Variants in AGBL1 observed in about 807,000 individuals in gnomAD.
AGBL1 encodes the protein AGBL carboxypeptidase 1, also known as cytosolic carboxypeptidase 4.
Under a neutral mutation model 118.9 loss-of-function variants are expected in AGBL1, and 130 were observed. The observed-to-expected ratio is 1.09, with a 90% CI of 0.95 to 1.26. The LOEUF is 1.26. Ranked by LOEUF, AGBL1 falls within the 50% of genes most tolerant of loss-of-function variation. AGBL1 has a pLI of 0.00. For synonymous variants in AGBL1, 555 were observed against 478.9 expected, an observed-to-expected ratio of 1.16 and a Z score of -2.08; for missense variants, 1,584 against 1,298.1, an observed-to-expected ratio of 1.22 and a Z score of -3.38.
intron 7 of AGBL1, among the ~76,000 whole-genome samples, chr15:86,249,360 C>T (rs768284703): frequency 1.1e-4 from 17 of 152,082 alleles, no homozygotes; most frequent in East Asian, 1.9e-4. Flanking sequence ...TTTTTCCAAC[C>T]GTGGTATCTG....
chr15:86,821,303 G>A (rs1235443085), intron 22 of AGBL1, among the ~76,000 whole-genome samples: 1 of 152,096 alleles, frequency 6.6e-6, no homozygotes, highest in Non-Finnish European at 1.5e-5. Flanking sequence ...TTCTGCACAT[G>A]TATTCCAGAA....
intron 22 of AGBL1, among the ~76,000 whole-genome samples, chr15:86,855,324 T>A (rs764641014): frequency 6.6e-6 from 1 of 152,216 alleles, no homozygotes; most frequent in African/African-American, 2.4e-5. Context: ...AGTAGCTTAG[T>A]ATAAAGCCAA....
intron 21 of AGBL1, among the ~76,000 whole-genome samples, chr15:86,560,705 G>T (rs765942921): frequency 6.6e-6 from 1 of 152,200 alleles, no homozygotes; most frequent in African/African-American, 2.4e-5. Context: ...GATCCTTGAG[G>T]AATCGCCACA....
intron 23 of AGBL1, among the ~76,000 whole-genome samples, chr15:86,923,664 C>T (rs1241142244): frequency 2.0e-5 from 3 of 152,202 alleles, no homozygotes; most frequent in Non-Finnish European, 4.4e-5. Flanking sequence ...TGCAAGTACA[C>T]TATTCCCTGA....
chr15:86,586,467 C>T (rs2084249496), intron 21 of AGBL1, among the ~76,000 whole-genome samples: 1 of 151,984 alleles, frequency 6.6e-6, no homozygotes, highest in Non-Finnish European at 1.5e-5. Flanking sequence ...AAAATTAGGG[C>T]AGAGAATAGT....
intron 1 of AGBL1, among the ~76,000 whole-genome samples, chr15:86,115,069 C>G (rs1597412314): frequency 6.6e-6 from 1 of 152,294 alleles, no homozygotes; most frequent in South Asian, 2.1e-4. Context: ...TAAGGAAGAC[C>G]TGAGGTAATA....
At chr15:86,515,993 C>T (rs1208852022) in intron 18 of AGBL1, among the ~76,000 whole-genome samples, 1 of 152,126 alleles carries the variant, frequency 6.6e-6, no homozygotes, top group Non-Finnish European at 1.5e-5. Context: ...GGTGGGACAA[C>T]TCAAAGCGGG....
intron 7 of AGBL1, among the ~76,000 whole-genome samples, chr15:86,250,205 C>T (rs1373182641): frequency 6.6e-6 from 1 of 152,066 alleles, no homozygotes; most frequent in Non-Finnish European, 1.5e-5. Flanking sequence ...ACCACCACCA[C>T]TCGCCCTTGC....
At chr15:86,705,381 T>A (rs2086431730) in intron 22 of AGBL1, among the ~76,000 whole-genome samples, 1 of 152,200 alleles carries the variant, frequency 6.6e-6, no homozygotes, top group Non-Finnish European at 1.5e-5. Flanking sequence ...AAGAATGGAC[T>A]AAAACATATT....
intron 18 of AGBL1, among the ~76,000 whole-genome samples, chr15:86,406,694 C>T (rs1404703165): frequency 6.6e-6 from 1 of 152,090 alleles, no homozygotes; most frequent in African/African-American, 2.4e-5. Context: ...AAATTGACAG[C>T]TTTAGGTATA....
intron 1 of AGBL1, among the ~76,000 whole-genome samples, chr15:86,101,975 T>C (rs1896751837): frequency 6.6e-6 from 1 of 152,144 alleles, no homozygotes; most frequent in East Asian, 1.9e-4. Context: ...TCTCTCACAT[T>C]GTTAATCATT....
chr15:86,372,559 C>T (rs2080985964), intron 17 of AGBL1, among the ~76,000 whole-genome samples: 1 of 152,244 alleles, frequency 6.6e-6, no homozygotes, highest in Admixed American at 6.5e-5. Flanking sequence ...TCTCTCCATT[C>T]ATACATATGC....
intron 18 of AGBL1, among the ~76,000 whole-genome samples, chr15:86,480,380 A>G (rs963312750): frequency 6.6e-6 from 1 of 152,104 alleles, no homozygotes; most frequent in African/African-American, 2.4e-5. Flanking sequence ...AAGCACTCAA[A>G]GTTCATTTTT....
chr15:86,120,945 G>A (rs1369777097), intron 1 of AGBL1, among the ~76,000 whole-genome samples: 1 of 151,148 alleles, frequency 6.6e-6, no homozygotes, highest in African/African-American at 2.4e-5. Flanking sequence ...TGCCTAGGCT[G>A]GAGTGCAGTG....
chr15:86,092,799 G>A (rs1896119634), intron 1 of AGBL1, among the ~76,000 whole-genome samples: 1 of 152,120 alleles, frequency 6.6e-6, no homozygotes, highest in African/African-American at 2.4e-5. Context: ...GTGAGAGCAA[G>A]AGAGGGTCAA....
intron 20 of AGBL1, among the ~76,000 whole-genome samples, chr15:86,546,698 C>A (rs1042735014): frequency 6.6e-6 from 1 of 152,118 alleles, no homozygotes; most frequent in East Asian, 1.9e-4. Context: ...TTCTATTTTA[C>A]TTTAGTTTTA....
At chr15:86,272,466 GTACT>G (rs1361517642) in intron 15 of AGBL1, among the ~76,000 whole-genome samples, 1 of 152,118 alleles carries the variant, frequency 6.6e-6, no homozygotes, top group African/African-American at 2.4e-5. Context: ...TGAGAGACTA[GTACT>G]TACTTTCTTA....
intron 18 of AGBL1, among the ~76,000 whole-genome samples, chr15:86,450,892 A>C (rs916422375): frequency 6.6e-6 from 1 of 152,190 alleles, no homozygotes; most frequent in Non-Finnish European, 1.5e-5. Flanking sequence ...CTGATTAATC[A>C]ATAGATATTC....
At chr15:86,898,928 A>G (rs2080171352) in intron 22 of AGBL1, among the ~76,000 whole-genome samples, 1 of 152,188 alleles carries the variant, frequency 6.6e-6, no homozygotes, top group South Asian at 2.1e-4. Context: ...GTGAACACAT[A>G]TACTGTTGGT....
Sources: gnomAD v4.1 joint callset for allele counts (sites outside exome capture counted in the v4.1 genomes callset) on GRCh38, gnomAD v4.1.1 for gene constraint, MANE v1.5 for transcripts, NCBI Gene and HGNC (gene_info 2026-07-23, HGNC 2026-07-21) for gene names.